Variants in RNF169 observed in about 807,000 individuals in gnomAD.
The protein encoded by RNF169 is E3 ubiquitin-protein ligase RNF169.
Under a neutral mutation model 53.9 loss-of-function variants are expected in RNF169, and 24 were observed. That is an observed-to-expected ratio of 0.45 (90% confidence interval 0.32 to 0.63). The LOEUF is 0.63. Ranked by LOEUF, RNF169 falls within the 20% of genes least tolerant of loss-of-function variation. The probability of loss-of-function intolerance (pLI) is 0.04; values close to 1 mark genes in which losing one functional copy is unlikely to be tolerated. For missense variants in RNF169, 883 were observed against 906.2 expected (o/e 0.97, Z 0.33); for synonymous variants, 396 against 363.5 (o/e 1.09, Z -1.02).
intron 1 of RNF169, among the ~76,000 whole-genome samples, chr11:74,769,460 T>C (rs1377107094): frequency 1.3e-5 from 2 of 152,232 alleles, no homozygotes; most frequent in Non-Finnish European, 2.9e-5. Context: ...GATTCCTTGC[T>C]ATGCAGAGAT....
At chr11:74,758,603 G>A (rs938139316) in intron 1 of RNF169, among the ~76,000 whole-genome samples, 1 of 151,296 alleles carries the variant, frequency 6.6e-6, no homozygotes, top group African/African-American at 2.4e-5. Context: ...CCGGTTTCAC[G>A]CCATTCTCCT....
At chr11:74,785,801 A>G (rs1273413066) in intron 1 of RNF169, among the ~76,000 whole-genome samples, 5 of 152,210 alleles carry the variant, frequency 3.3e-5, no homozygotes, top group African/African-American at 9.7e-5. Flanking sequence ...AGCCAGAGGC[A>G]TAGTAAGATT....
chr11:74,827,298 G>A (rs1443893833), intron 4 of RNF169, among the ~76,000 whole-genome samples: 1 of 152,148 alleles, frequency 6.6e-6, no homozygotes, highest in African/African-American at 2.4e-5. Flanking sequence ...CTGGGGTGTG[G>A]GCACCAAGAG....
chr11:74,841,962 A>G lies in RNF169; in HGVS notation c.*5232A>G, dbSNP rs942424630. 2 of 152,264 alleles carry G rather than the reference A, an allele frequency of 1.3e-5. No individual in the cohort carries two copies. The highest frequency in any genetic ancestry group is 2.9e-5 in the Non-Finnish European group (2 of 68,048). The allele number at this position is 152,264 out of a possible 1,614,324, so 9.4% of individuals were successfully genotyped here. The stretch of plus-strand genomic sequence containing the variant: ...AGCACTTAAAAGTCCTAGTGAGAGA[A>G]TAGATACTATGCAAGGGAAAAAAAT... On this transcript the variant is annotated 3_prime_UTR_variant, in exon 6 of 6. Transcript: ENST00000299563.
intron 2 of RNF169, among the ~76,000 whole-genome samples, chr11:74,808,813 A>G (rs2035837498): frequency 6.6e-6 from 1 of 152,208 alleles, no homozygotes; most frequent in Non-Finnish European, 1.5e-5. Flanking sequence ...AAGACCTTAA[A>G]TCTTTTATGT....
chr11:74,788,727 T>G (rs560398049), intron 1 of RNF169, among the ~76,000 whole-genome samples: 1 of 152,336 alleles, frequency 6.6e-6, no homozygotes, highest in South Asian at 2.1e-4. Context: ...AAAAAATTTC[T>G]TACATTAATT....
chr11:74,758,896 G>A (rs1436709422), intron 1 of RNF169, among the ~76,000 whole-genome samples: 1 of 148,390 alleles, frequency 6.7e-6, no homozygotes, highest in Non-Finnish European at 1.5e-5. Flanking sequence ...AAATTACCTT[G>A]GGCAGTATGG....
intron 1 of RNF169, among the ~76,000 whole-genome samples, chr11:74,752,140 G>A (rs1199510597): frequency 6.8e-6 from 1 of 147,746 alleles, no homozygotes; most frequent in Admixed American, 6.9e-5. Context: ...ACTGAGACAG[G>A]AGAATCTCTT....
At chr11:74,826,803 T>C (rs748038907) in intron 4 of RNF169, among the ~76,000 whole-genome samples, 1 of 152,254 alleles carries the variant, frequency 6.6e-6, no homozygotes, top group African/African-American at 2.4e-5. Flanking sequence ...TTTGACTCCA[T>C]GTCTCACATT....
chr11:74,785,199 T>TATATATATATGATATATATATG (rs1241673861), intron 1 of RNF169, among the ~76,000 whole-genome samples: 16 of 116,090 alleles, frequency 1.4e-4, no homozygotes, highest in Non-Finnish European at 2.5e-4. Flanking sequence ...ATATATATGA[T>TATATATATATGATATATATATG]ATATATATAT....
intron 1 of RNF169, among the ~76,000 whole-genome samples, chr11:74,772,101 G>A (rs1027834979): frequency 6.6e-6 from 1 of 152,154 alleles, no homozygotes; most frequent in African/African-American, 2.4e-5. Flanking sequence ...AATATAGAAA[G>A]TTTTAACTTT....
intron 2 of RNF169, among the ~76,000 whole-genome samples, chr11:74,791,316 A>G (rs2135085265): frequency 6.6e-6 from 1 of 152,230 alleles, no homozygotes; most frequent in East Asian, 1.9e-4. Context: ...GTAAGTTCTC[A>G]CTCCAGTCTG....
At chr11:74,752,389 G>A (rs1477235995) in intron 1 of RNF169, among the ~76,000 whole-genome samples, 1 of 151,950 alleles carries the variant, frequency 6.6e-6, no homozygotes, top group Admixed American at 6.6e-5. Context: ...TTGAGGTCAG[G>A]AGTTCAAGAC....
chr11:74,776,595 G>A (rs2035339987), intron 1 of RNF169, among the ~76,000 whole-genome samples: 1 of 151,712 alleles, frequency 6.6e-6, no homozygotes, highest in Non-Finnish European at 1.5e-5. Context: ...TTCAAGTTAG[G>A]AAGTCAGAGG....
At chr11:74,756,972 A>T (rs1373059411) in intron 1 of RNF169, among the ~76,000 whole-genome samples, 2 of 152,150 alleles carry the variant, frequency 1.3e-5, no homozygotes, top group African/African-American at 4.8e-5. Flanking sequence ...GAAAAACTGC[A>T]TAATAAAGAA....
At chr11:74,792,711 T>C (rs563258027) in intron 2 of RNF169, among the ~76,000 whole-genome samples, 15 of 152,216 alleles carry the variant, frequency 9.9e-5, no homozygotes, top group African/African-American at 3.6e-4. Context: ...AGAGTAGGGG[T>C]TTTTATAAAC....
At chr11:74,778,689 C>G (rs949146132) in intron 1 of RNF169, among the ~76,000 whole-genome samples, 1 of 152,206 alleles carries the variant, frequency 6.6e-6, no homozygotes, top group Non-Finnish European at 1.5e-5. Context: ...TACGTAGCAG[C>G]CTTTATCTAA....
rs1205731952 is a variant in RNF169 at position 74,836,473 on chromosome 11, A to C, written c.1870A>C (p.Arg624=). 1.2e-6 allele frequency: 2 copies of C among 1,614,098 alleles called. No individual in the cohort carries two copies. The highest frequency in any genetic ancestry group is 2.7e-5 in the African/African-American group (2 of 74,950). ...TCCTTCTTTGCGTCGAGGCCGGAAA[A>C]GACACTGCAAGACCAAGCACTTAGA... The part of the protein sequence containing the change: ...PLPSLRRGRK[R]HCKTKHLEQN... The change falls in exon 6 of 6, where the codon AGA becomes CGA. Residue 624 remains arginine (R), a synonymous_variant. Transcript: ENST00000299563.
chr11:74,799,089 T>TG lies in RNF169; in HGVS notation c.576+9390_576+9391insG, dbSNP rs111364956. Reference sequence around the variant, plus strand: ...AAAAAAAAAAAGATTTCCAGTGGTTTTTTTTTTTTGCTACACTATTGCTAT... The same window carrying TG: ...AAAAAAAAAAAGATTTCCAGTGGTTTGTTTTTTTTTGCTACACTATTGCTAT... On this transcript the variant is annotated intron_variant, in intron 2 of 5. Transcript: ENST00000299563. Among the ~76,000 whole-genome samples, 75 of 148,964 alleles carry TG rather than the reference T, an allele frequency of 5.0e-4. 1 individual carries two copies. Among genetic ancestry groups the TG allele is most frequent in the African/African-American group, 1.8e-3 (75 of 40,930 alleles).
Sources: allele counts gnomAD v4.1 joint callset (sites outside exome capture counted in the v4.1 genomes callset), GRCh38; gene constraint gnomAD v4.1.1; transcripts MANE v1.5; gene names NCBI Gene and HGNC (gene_info 2026-07-23, HGNC 2026-07-21).